Variants in DOCK10 observed in about 807,000 individuals in gnomAD.
The protein encoded by DOCK10 is dedicator of cytokinesis 10.
DOCK10 carries 145 observed loss-of-function variants against 280.1 expected under a neutral mutation model. The observed-to-expected ratio is 0.52, with a 90% CI of 0.45 to 0.59. The LOEUF is 0.59. Among genes scored for constraint, DOCK10 ranks in the 20% least tolerant of loss-of-function variants. The pLI is 0.00. For synonymous variants in DOCK10, 915 were observed against 942.2 expected, an observed-to-expected ratio of 0.97 and a Z score of 0.53; for missense variants, 2,368 against 2,651.7, an observed-to-expected ratio of 0.89 and a Z score of 2.35.
intron 1 of DOCK10, among the ~76,000 whole-genome samples, chr2:224,992,042 A>C (rs1204625308): frequency 6.6e-6 from 1 of 152,172 alleles, no homozygotes; most frequent in African/African-American, 2.4e-5. Flanking sequence ...CAGGAGAGAG[A>C]AATCTGTGAC....
intron 7 of DOCK10, among the ~76,000 whole-genome samples, chr2:224,877,094 C>G (rs1698674578): frequency 6.6e-6 from 1 of 152,196 alleles, no homozygotes; most frequent in Non-Finnish European, 1.5e-5. Flanking sequence ...CCCCCTCCAC[C>G]ACACATGCGC....
chr2:224,823,127 A>G (rs1694613099), intron 28 of DOCK10, among the ~76,000 whole-genome samples: 3 of 151,658 alleles, frequency 2.0e-5, no homozygotes, highest in Non-Finnish European at 4.4e-5. Flanking sequence ...AGCTAGGACT[A>G]CAGGCACGCA....
rs868445067 is a variant in DOCK10, at chr2:224,961,472, C to T, written c.124-29804G>A. Reference sequence around the variant, plus strand: ...TTTCTTTCTTTCTTTCTTTCTTTTTCTTTCTTTCTTTCTCTTTCTTTCCTT... The same window carrying T: ...TTTCTTTCTTTCTTTCTTTCTTTTTTTTTCTTTCTTTCTCTTTCTTTCCTT... On this transcript the variant is annotated intron_variant, in intron 1 of 55. Transcript: ENST00000258390. 2.8e-3 allele frequency among the ~76,000 whole-genome samples: 285 copies of T among 102,896 alleles called. 2 individuals carry two copies. The highest frequency in any genetic ancestry group is 8.6e-3 in the African/African-American group (234 of 27,286). The allele number at this position is 102,896 out of a possible 152,430, so 67.5% of individuals were successfully genotyped here. A position where few individuals can be genotyped will look rare whatever the true frequency, so the allele number is the denominator to read the frequency against.
In DOCK10 at chr2:224,885,692, A is replaced by G. The variant is rs767482585; in HGVS notation, c.726T>C (p.Asp242=). 10 of 1,611,546 alleles carry G rather than the reference A, an allele frequency of 6.2e-6. No homozygotes were observed. The African/African-American group carries it at 1.1e-4, about 17-fold the overall frequency. Residue 242 remains aspartate, a synonymous_variant, in exon 7 of 56, where the codon GAT becomes GAC. Coordinates refer to ENST00000258390, the MANE Select transcript of DOCK10 (RefSeq NM_014689.3). ...SKEPKGCIFL[D]SCTGVVQNNR... Reference sequence around the variant, plus strand: ...TCACCTGCACCACTCCTGTACAGGAATCCAAAAAGATGCATCCTTTGGGTT... The same window carrying G: ...TCACCTGCACCACTCCTGTACAGGAGTCCAAAAAGATGCATCCTTTGGGTT...
At chr2:224,877,360 T>C (rs139727617) in intron 7 of DOCK10, among the ~76,000 whole-genome samples, 1 of 148,974 alleles carries the variant, frequency 6.7e-6, no homozygotes, top group East Asian at 2.0e-4. Flanking sequence ...CATGTAATAG[T>C]ACGGACACTT....
At chr2:224,802,094 A>G (rs1246257747) in intron 39 of DOCK10, 54 bp from the exon 40 acceptor site, 3 of 1,568,152 alleles carry the variant, frequency 1.9e-6, no homozygotes, top group Non-Finnish European at 1.7e-6. Flanking sequence ...TTATAGCCAA[A>G]TAACACTTGT....
At chr2:224,976,077 C>T (rs1705420127) in intron 1 of DOCK10, among the ~76,000 whole-genome samples, 1 of 152,166 alleles carries the variant, frequency 6.6e-6, no homozygotes, top group Admixed American at 6.5e-5. Context: ...ACCTGCAAGA[C>T]TCCATCGCTT....
chr2:225,012,152 T>C (rs555160202), intron 1 of DOCK10, among the ~76,000 whole-genome samples: 1 of 152,294 alleles, frequency 6.6e-6, no homozygotes, highest in South Asian at 2.1e-4. Flanking sequence ...CCTCTGGCTA[T>C]GCTAAGGGAA....
chr2:224,993,878 A>G (rs980293908), intron 1 of DOCK10, among the ~76,000 whole-genome samples: 2 of 152,154 alleles, frequency 1.3e-5, no homozygotes, highest in Non-Finnish European at 2.9e-5. Flanking sequence ...GGTCAGCTGC[A>G]TGTACTCTTG....
chr2:224,856,845 A>G lies in DOCK10; in HGVS notation c.1808+15T>C, dbSNP rs760542025. The G allele has an allele frequency of 1.6e-5, 26 of 1,592,382 alleles. No individual in the cohort carries two copies. The highest frequency in any genetic ancestry group is 2.1e-5 in the Non-Finnish European group (24 of 1,168,618). ...GCTGATTTATGTTAATTTCGAGAGT[A>G]TAAAAAAAACATACCTTCTATAATC... On this transcript the variant is annotated intron_variant, in intron 15 of 55. Transcript: ENST00000258390.
intron 1 of DOCK10, among the ~76,000 whole-genome samples, chr2:224,992,622 A>G (rs1706159988): frequency 6.6e-6 from 1 of 152,226 alleles, no homozygotes; most frequent in Non-Finnish European, 1.5e-5. Context: ...GTGGATTCTT[A>G]AAGTTTTTGT....
intron 1 of DOCK10, among the ~76,000 whole-genome samples, chr2:224,956,106 G>C (rs964751317): frequency 6.6e-6 from 1 of 152,214 alleles, no homozygotes; most frequent in Non-Finnish European, 1.5e-5. Flanking sequence ...GGAGAACATT[G>C]TGTTGGCCAA....
At chr2:224,803,982 G>A (rs1034835253) in intron 39 of DOCK10, 130 bp downstream of exon 39, 2 of 574,222 alleles carry the variant, frequency 3.5e-6, no homozygotes, top group Non-Finnish European at 6.0e-6. Flanking sequence ...CACTTGGTTT[G>A]AATATATAAA....
intron 12 of DOCK10, 67 bp from the exon 13 acceptor site, chr2:224,864,742 T>C: frequency 6.3e-7 from 1 of 1,575,198 alleles, no homozygotes; most frequent in Non-Finnish European, 8.6e-7. Flanking sequence ...CAAAATTCCA[T>C]TTTTTTAAAA....
At chr2:224,886,925 C>G (rs1314882268) in intron 4 of DOCK10, among the ~76,000 whole-genome samples, 1 of 147,808 alleles carries the variant, frequency 6.8e-6, no homozygotes, top group Non-Finnish European at 1.5e-5. Flanking sequence ...AGGCATGTAC[C>G]ACCATTTTTG....
chr2:225,031,933 C>T (rs996497718), intron 1 of DOCK10, among the ~76,000 whole-genome samples: 5 of 152,132 alleles, frequency 3.3e-5, no homozygotes, highest in Non-Finnish European at 7.3e-5. Flanking sequence ...TAGCCCTGTC[C>T]TCAGGATGTG....
intron 5 of DOCK10, 76 bp from the exon 6 acceptor site, chr2:224,886,261 A>T (rs1386691366): frequency 6.3e-7 from 1 of 1,578,176 alleles, no homozygotes; most frequent in Non-Finnish European, 8.6e-7. Flanking sequence ...TAAAAAAGAG[A>T]CTCCTCTTCC....
chr2:224,777,365 C>T (rs1260739291), intron 51 of DOCK10, among the ~76,000 whole-genome samples: 2 of 152,140 alleles, frequency 1.3e-5, no homozygotes, highest in Admixed American at 6.5e-5. Flanking sequence ...GAGAGGCAGA[C>T]CTGCCCTCAA....
At chr2:224,973,215 C>T (rs1705195714) in intron 1 of DOCK10, among the ~76,000 whole-genome samples, 1 of 152,102 alleles carries the variant, frequency 6.6e-6, no homozygotes. Flanking sequence ...CTTAAACAAC[C>T]CTGATAGATA....
Sources: gnomAD v4.1 joint callset for allele counts (sites outside exome capture counted in the v4.1 genomes callset) on GRCh38, gnomAD v4.1.1 for gene constraint, MANE v1.5 for transcripts, NCBI Gene and HGNC (gene_info 2026-07-23, HGNC 2026-07-21) for gene names.